Variants in WDR72 observed in about 807,000 individuals in gnomAD.
The protein encoded by WDR72 is WD repeat-containing protein 72.
Under a neutral mutation model 124.2 loss-of-function variants are expected in WDR72, and 120 were observed. The ratio of observed to expected loss-of-function variants is 0.97; its 90% CI spans 0.83 to 1.12. The LOEUF (loss-of-function observed/expected upper bound fraction) is 1.12, where lower values mean the gene tolerates loss of function less well. WDR72 is among the 50% of genes most tolerant of loss of function. WDR72 has a pLI of 0.00. For missense variants in WDR72, 1,387 were observed against 1,278.8 expected, an observed-to-expected ratio of 1.08 and a Z score of -1.29; for synonymous variants, 452 against 441.7, an observed-to-expected ratio of 1.02 and a Z score of -0.29.
chr15:53,561,597 G>A (rs1030733423), intron 18 of WDR72, among the ~76,000 whole-genome samples: 1 of 151,586 alleles, frequency 6.6e-6, no homozygotes, highest in Non-Finnish European at 1.5e-5. Flanking sequence ...CTGTTACCTG[G>A]GGAATTCTTA....
intron 18 of WDR72, among the ~76,000 whole-genome samples, chr15:53,547,743 A>G (rs1217854099): frequency 6.6e-6 from 1 of 152,138 alleles, no homozygotes; most frequent in East Asian, 1.9e-4. Context: ...GAAGAGATTA[A>G]TTGGTTGAGC....
chr15:53,715,265 G>A lies in WDR72; in HGVS notation c.442C>T (p.His148Tyr). The part of the protein sequence containing the change: ...IIDAKTLAVV[H>Y]SFRSSQFPDW... ...GGAAACTGAGATGATCTAAAACTGT[G>A]AACAACAGCCAAAGTTTTGGCATCA... The change falls in exon 5 of 20, where the codon CAC (histidine) becomes TAC (tyrosine). Residue 148 changes from histidine to tyrosine, a missense_variant. Physicochemically the swap from His to Tyr is moderately conservative, Grantham distance 83. Coordinates refer to ENST00000360509, the MANE Select transcript of WDR72 (RefSeq NM_182758.4). 1 of 1,614,102 alleles carries A rather than the reference G, an allele frequency of 6.2e-7. No homozygotes were observed. The highest frequency in any genetic ancestry group is 8.5e-7 in the Non-Finnish European group (1 of 1,179,992).
chr15:53,657,191 G>T (rs148782805), intron 14 of WDR72, among the ~76,000 whole-genome samples: 1,905 of 147,760 alleles, frequency 0.013, 32 homozygotes, highest in East Asian at 0.07. Flanking sequence ...TTGAACCTGG[G>T]AGGCACAGAC....
intron 8 of WDR72, 45 bp from the exon 9 acceptor site, chr15:53,710,998 T>C (rs777036214): frequency 6.5e-7 from 1 of 1,536,752 alleles, no homozygotes; most frequent in Admixed American, 1.7e-5. Flanking sequence ...TTTGAGGTTC[T>C]TTATTCGTTT....
chr15:53,760,208 C>T (rs1037345233), upstream of WDR72, among the ~76,000 whole-genome samples: 2 of 151,952 alleles, frequency 1.3e-5, no homozygotes, highest in Non-Finnish European at 2.9e-5. Flanking sequence ...TTTTTAACTG[C>T]ACAATTATAT....
chr15:53,675,341 CAAA>C (rs58306742), intron 13 of WDR72, among the ~76,000 whole-genome samples: 11,570 of 126,408 alleles, frequency 0.092, 453 homozygotes, highest in Middle Eastern at 0.093. Context: ...GACTCTGTCT[CAAA>C]AAAAAAAAAA....
chr15:53,558,911 TA>T (rs1894026493), intron 18 of WDR72, among the ~76,000 whole-genome samples: 1 of 152,058 alleles, frequency 6.6e-6, no homozygotes, highest in African/African-American at 2.4e-5. Flanking sequence ...TTTTAGCCTT[TA>T]AAAATGGGAC....
intron 1 of WDR72, among the ~76,000 whole-genome samples, chr15:53,737,627 TC>T (rs1335070655): frequency 6.6e-6 from 1 of 152,096 alleles, no homozygotes; most frequent in Non-Finnish European, 1.5e-5. Flanking sequence ...CTCTAGATAC[TC>T]AACAGCAGAG....
At chr15:53,626,594 G>A (rs979953675) in intron 14 of WDR72, among the ~76,000 whole-genome samples, 2 of 152,308 alleles carry the variant, frequency 1.3e-5, no homozygotes, top group Non-Finnish European at 1.5e-5. Context: ...GGACCCAAAG[G>A]GGGTTGCAGT....
intron 3 of WDR72, among the ~76,000 whole-genome samples, chr15:53,717,143 G>A (rs140421800): frequency 2.6e-5 from 4 of 151,818 alleles, no homozygotes; most frequent in African/African-American, 9.7e-5. Context: ...GTCTATCATC[G>A]ATAACAGTTT....
chr15:53,699,744 A>T lies in WDR72; in HGVS notation c.1765+6T>A, dbSNP rs201119218. On this transcript the variant is annotated splice_donor_region_variant and intron_variant, in intron 13 of 19. Coordinates refer to ENST00000360509, the MANE Select transcript of WDR72 (RefSeq NM_182758.4). ...AAAGAATGAAAGGGATAAAATTTCAACTTACCTGTTTCAATTTCCCAGATA... is the reference window on the plus strand; with the variant it reads ...AAAGAATGAAAGGGATAAAATTTCATCTTACCTGTTTCAATTTCCCAGATA... 6.2e-7 allele frequency: 1 copy of T among 1,613,992 alleles called. No homozygotes were observed. The highest frequency in any genetic ancestry group is 8.5e-7 in the Non-Finnish European group (1 of 1,179,834).
intron 9 of WDR72, among the ~76,000 whole-genome samples, chr15:53,710,554 T>C (rs892446695): frequency 6.6e-6 from 1 of 152,218 alleles, no homozygotes; most frequent in Non-Finnish European, 1.5e-5. Context: ...TCTCAGTGAA[T>C]ATGTACTGCG....
intron 14 of WDR72, among the ~76,000 whole-genome samples, chr15:53,656,243 T>C (rs1372566868): frequency 6.6e-6 from 1 of 152,178 alleles, no homozygotes; most frequent in Non-Finnish European, 1.5e-5. Context: ...ATATAAGCTA[T>C]ATAGTATGAA....
chr15:53,644,797 G>A (rs944642163), intron 14 of WDR72, among the ~76,000 whole-genome samples: 2 of 152,064 alleles, frequency 1.3e-5, no homozygotes, highest in African/African-American at 4.8e-5. Context: ...AGACAAAGGA[G>A]AAAGCCTTCA....
At chr15:53,738,431 T>C (rs2018415404) in intron 1 of WDR72, among the ~76,000 whole-genome samples, 1 of 152,114 alleles carries the variant, frequency 6.6e-6, no homozygotes, top group Admixed American at 6.5e-5. Context: ...GCAAGTTTGA[T>C]AAGGAAGGCC....
At chr15:53,549,153 C>T (rs1285843198) in intron 18 of WDR72, among the ~76,000 whole-genome samples, 1 of 152,154 alleles carries the variant, frequency 6.6e-6, no homozygotes, top group Non-Finnish European at 1.5e-5. Flanking sequence ...CACGTACTGT[C>T]CAAGGTGCTG....
intron 14 of WDR72, among the ~76,000 whole-genome samples, chr15:53,634,976 T>C (rs894652804): frequency 2.0e-5 from 3 of 152,206 alleles, no homozygotes; most frequent in African/African-American, 7.2e-5. Flanking sequence ...ACAGCAGCAA[T>C]GAGCCAGAGC....
chr15:53,686,134 A>C (rs1339339362), intron 13 of WDR72, among the ~76,000 whole-genome samples: 1 of 147,814 alleles, frequency 6.8e-6, no homozygotes, highest in Non-Finnish European at 1.5e-5. Context: ...CATCGAGACG[A>C]GGACGAAACT....
intron 18 of WDR72, among the ~76,000 whole-genome samples, chr15:53,578,919 G>A (rs1257916277): frequency 6.6e-6 from 1 of 152,048 alleles, no homozygotes. Context: ...ATCTGGACTA[G>A]GAGAGTCTAT....
Sources: allele counts gnomAD v4.1 joint callset (sites outside exome capture counted in the v4.1 genomes callset), GRCh38; gene constraint gnomAD v4.1.1; transcripts MANE v1.5; gene names NCBI Gene and HGNC (gene_info 2026-07-23, HGNC 2026-07-21).